Variants in ASH1L observed in about 807,000 individuals in gnomAD.
The protein encoded by ASH1L is ASH1 like histone lysine methyltransferase.
Under a neutral mutation model 269.0 loss-of-function variants are expected in ASH1L, and 23 were observed. The observed-to-expected ratio is 0.09, with a 90% CI of 0.06 to 0.12. The LOEUF is 0.12. Among genes scored for constraint, ASH1L ranks in the 10% least tolerant of loss-of-function variants. The pLI, the probability that ASH1L is intolerant of heterozygous loss-of-function variation, is 1.00. For synonymous variants in ASH1L, 1,187 were observed against 1,253.5 expected (o/e 0.95, Z 1.12); for missense variants, 2,912 against 3,567.8 (o/e 0.82, Z 4.68).
chr1:155,514,835 G>A (rs903411350), intron 2 of ASH1L, among the ~76,000 whole-genome samples: 1 of 151,958 alleles, frequency 6.6e-6, no homozygotes, highest in South Asian at 2.1e-4. Flanking sequence ...TTAACTACAC[G>A]AGAAGTTGCC....
intron 24 of ASH1L, 45 bp from the exon 25 acceptor site, chr1:155,342,147 C>T: frequency 6.3e-7 from 1 of 1,596,052 alleles, no homozygotes; most frequent in Non-Finnish European, 8.6e-7. Flanking sequence ...AGCCATTTCT[C>T]CCCCTGAGCT....
chr1:155,390,951 G>GC (rs1360531908), intron 7 of ASH1L, among the ~76,000 whole-genome samples: 1 of 132,930 alleles, frequency 7.5e-6, no homozygotes, highest in Non-Finnish European at 1.6e-5. Context: ...ACCTGCCTGT[G>GC]TTTTTTTTTT....
chr1:155,481,311 T>C lies in ASH1L; in HGVS notation c.1559A>G (p.Glu520Gly), dbSNP rs755638760. 21 of 1,614,054 alleles carry C rather than the reference T, an allele frequency of 1.3e-5. No individual in the cohort carries two copies. The highest frequency in any genetic ancestry group is 1.8e-5 in the Non-Finnish European group (21 of 1,180,014). The change falls in exon 3 of 28, where the codon GAA (glutamate) becomes GGA (glycine). Residue 520 changes from glutamate to glycine, a missense_variant. Around this residue, in one of 13 missense-constraint regions of ASH1L, gnomAD observed 715 missense variants for 721.0 expected, o/e 0.99. Transcript: ENST00000392403. ...EKGSYETSKH[E>G]KQPPVYCTSP... ...AGTGCAATATACAGGAGGCTGCTTT[T>C]CATGCTTTGAGGTTTCATAAGATCC... is the stretch of plus-strand genomic sequence containing the variant.
At chr1:155,361,446 G>A (rs1654929598) in intron 12 of ASH1L, among the ~76,000 whole-genome samples, 1 of 148,650 alleles carries the variant, frequency 6.7e-6, no homozygotes, top group Non-Finnish European at 1.5e-5. Flanking sequence ...GAACCTGGGA[G>A]GCGGAGGTTG....
chr1:155,504,131 G>GT (rs1667671986), intron 2 of ASH1L, among the ~76,000 whole-genome samples: 1 of 152,098 alleles, frequency 6.6e-6, no homozygotes, highest in African/African-American at 2.4e-5. Context: ...TTTTTCAACT[G>GT]TTTAGTTTGG....
chr1:155,473,866 C>CA (rs1665317932), intron 3 of ASH1L, among the ~76,000 whole-genome samples: 1 of 152,008 alleles, frequency 6.6e-6, no homozygotes, highest in African/African-American at 2.4e-5. Context: ...GACAGACTCT[C>CA]ACACTGTCAT....
At chr1:155,448,522 G>A (rs1024781655) in intron 4 of ASH1L, among the ~76,000 whole-genome samples, 2 of 152,136 alleles carry the variant, frequency 1.3e-5, no homozygotes, top group Non-Finnish European at 2.9e-5. Flanking sequence ...TTGAGACGGA[G>A]ACTTGCTCCG....
chr1:155,411,434 C>T (rs997715093), intron 6 of ASH1L, among the ~76,000 whole-genome samples: 1 of 150,734 alleles, frequency 6.6e-6, no homozygotes, highest in East Asian at 2.0e-4. Flanking sequence ...ATCACTGATA[C>T]GGTTGTATAA....
At chr1:155,386,027 C>T (rs1178876253) in intron 7 of ASH1L, among the ~76,000 whole-genome samples, 4 of 151,124 alleles carry the variant, frequency 2.6e-5, no homozygotes, top group African/African-American at 7.3e-5. Flanking sequence ...TTGTTGGCCA[C>T]GTATATGTCT....
In ASH1L at chr1:155,423,335, C is replaced by T. The variant is rs189105662; in HGVS notation, c.5829-7412G>A. 1.2e-3 allele frequency among the ~76,000 whole-genome samples: 183 copies of T among 151,638 alleles called. 1 individual carries two copies. The highest frequency in any genetic ancestry group is 4.2e-3 in the African/African-American group (172 of 41,440). ...GTGGCTCACACCTGTAATCCCAGCA[C>T]GTTGGGAGGCCGAGGCAGGCAGATC... On this transcript the variant is annotated intron_variant, in intron 5 of 27. Coordinates refer to ENST00000392403, the MANE Select transcript of ASH1L (RefSeq NM_018489.3).
intron 21 of ASH1L, chr1:155,344,534 G>C (rs1462038966): frequency 2.1e-5 from 7 of 326,224 alleles, no homozygotes; most frequent in Non-Finnish European, 4.0e-5. Flanking sequence ...GGGGCCATAT[G>C]AAAATGTGTG....
intron 1 of ASH1L, among the ~76,000 whole-genome samples, chr1:155,559,100 T>C (rs1671791891): frequency 6.6e-6 from 1 of 152,040 alleles, no homozygotes; most frequent in Non-Finnish European, 1.5e-5. Flanking sequence ...CTCTTCAGCA[T>C]CCCAAAGTGA....
intron 1 of ASH1L, among the ~76,000 whole-genome samples, chr1:155,552,422 C>T (rs866091431): frequency 3.9e-5 from 6 of 151,902 alleles, no homozygotes; most frequent in African/African-American, 7.3e-5. Context: ...GCCGAGATCG[C>T]GCCACTGCAC....
At chr1:155,470,854 T>C (rs1381035658) in intron 3 of ASH1L, among the ~76,000 whole-genome samples, 1 of 152,116 alleles carries the variant, frequency 6.6e-6, no homozygotes, top group Non-Finnish European at 1.5e-5. Context: ...TGGCACACAA[T>C]AGGCACAAAA....
At chr1:155,511,161 C>T (rs1177760134) in intron 2 of ASH1L, among the ~76,000 whole-genome samples, 1 of 152,086 alleles carries the variant, frequency 6.6e-6, no homozygotes, top group South Asian at 2.1e-4. Flanking sequence ...ATAAAGAAGA[C>T]GAATATACTG....
intron 2 of ASH1L, among the ~76,000 whole-genome samples, chr1:155,487,732 T>C (rs1337401532): frequency 1.3e-5 from 2 of 152,074 alleles, no homozygotes; most frequent in Non-Finnish European, 2.9e-5. Flanking sequence ...GCTGAGTTCA[T>C]GAAAATTCGC....
chr1:155,344,064 TTA>T (rs1653027555), intron 22 of ASH1L, 117 bp downstream of exon 22: 2 of 854,450 alleles, frequency 2.3e-6, no homozygotes, highest in Non-Finnish European at 3.7e-6. Flanking sequence ...ATATAAAAAC[TTA>T]TATTCTATTG....
chr1:155,556,401 C>CGTGTGTGTGT (rs71080711), intron 1 of ASH1L, among the ~76,000 whole-genome samples: 8 of 140,566 alleles, frequency 5.7e-5, no homozygotes, highest in African/African-American at 2.1e-4. Flanking sequence ...CATATATATA[C>CGTGTGTGTGT]GTGTGTGTGT....
At chr1:155,436,669 C>G (rs1198143713) in intron 5 of ASH1L, among the ~76,000 whole-genome samples, 3 of 150,024 alleles carry the variant, frequency 2.0e-5, no homozygotes, top group Non-Finnish European at 3.0e-5. Flanking sequence ...GCTAATTTTT[C>G]TATTTTTAGT....
Sources: allele counts gnomAD v4.1 joint callset (sites outside exome capture counted in the v4.1 genomes callset), GRCh38; gene constraint gnomAD v4.1.1; regional missense constraint gnomAD v4.1.1; transcripts MANE v1.5; gene names NCBI Gene and HGNC (gene_info 2026-07-23, HGNC 2026-07-21).